ROBO2: variants seen among roughly 807,000 people sequenced by gnomAD.
The protein encoded by ROBO2 is roundabout guidance receptor 2, also known as roundabout homolog 2.
A neutral mutation model predicts 160.8 loss-of-function variants in ROBO2; 53 were observed. That is an observed-to-expected ratio of 0.33 (90% CI 0.26 to 0.41). The LOEUF is 0.41. Ranked by LOEUF, ROBO2 falls within the 10% of genes least tolerant of loss-of-function variation. The pLI, the probability that ROBO2 is intolerant of heterozygous loss-of-function variation, is 1.00. For missense variants in ROBO2, 1,577 were observed against 1,722.4 expected (o/e 0.92, Z 1.49); for synonymous variants, 664 against 611.7 (o/e 1.09, Z -1.26).
At chr3:77,172,775 G>A (rs1053470623) in intron 2 of ROBO2, among the ~76,000 whole-genome samples, 2 of 152,096 alleles carry the variant, frequency 1.3e-5, no homozygotes, top group African/African-American at 4.8e-5. Flanking sequence ...TAAACCAAGG[G>A]CTAATTGATT....
chr3:76,663,737 T>C (rs2091915024), intron 2 of ROBO2, among the ~76,000 whole-genome samples: 1 of 152,084 alleles, frequency 6.6e-6, no homozygotes, highest in Non-Finnish European at 1.5e-5. Context: ...CCTAATTGTG[T>C]AAAGCAAAGA....
In ROBO2 at chr3:76,181,967, T is replaced by C. The variant is rs370853994; in HGVS notation, c.109+244365T>C. 1.7e-4 allele frequency among the ~76,000 whole-genome samples: 26 copies of C among 152,274 alleles called. No individual in the cohort carries two copies. The South Asian group carries it at 5.2e-3, about 30-fold the overall frequency. ...TCAATTTTATGTATTCATATGTCTC[T>C]TTTTATTTCTAACAGGAAGCATTAA... On this transcript the variant is annotated intron_variant, in intron 2 of 26. Coordinates refer to the ROBO2 transcript ENST00000487694.
rs183596221 is a variant in ROBO2, at chr3:76,798,172, G to A, written c.110-299842G>A. Among the ~76,000 whole-genome samples, 42 of 80,946 alleles carry A rather than the reference G, an allele frequency of 5.2e-4. 1 individual carries two copies. The highest frequency in any genetic ancestry group is 1.5e-3 in the African/African-American group (37 of 24,062). 53.1% of individuals were successfully genotyped at this position (80,946 alleles called of 152,430 possible). ...AAAGAAAGAAAGAAAGAAAGAAAGGGAGAGAAAGAAAGAAAGAAAAAGAAG... is the reference window on the plus strand; with the variant it reads ...AAAGAAAGAAAGAAAGAAAGAAAGGAAGAGAAAGAAAGAAAGAAAAAGAAG... On this transcript the variant is annotated intron_variant, in intron 2 of 26. Transcript: ENST00000487694.
At chr3:77,501,689 G>A (rs1006575251) in intron 5 of ROBO2, among the ~76,000 whole-genome samples, 8 of 151,606 alleles carry the variant, frequency 5.3e-5, no homozygotes, top group Non-Finnish European at 8.8e-5. Flanking sequence ...AGAGAATCAC[G>A]GCAATATTTT....
chr3:76,056,489 G>T (rs1363419625), intron 2 of ROBO2, among the ~76,000 whole-genome samples: 2 of 151,182 alleles, frequency 1.3e-5, no homozygotes, highest in Admixed American at 6.6e-5. Flanking sequence ...TTCTAAAAGG[G>T]TCTCCAAAAT....
At chr3:76,654,433 A>G (rs1371604389) in intron 2 of ROBO2, among the ~76,000 whole-genome samples, 4 of 152,202 alleles carry the variant, frequency 2.6e-5, no homozygotes, top group Admixed American at 1.3e-4. Context: ...GGTAAAACAT[A>G]CTGTTATTAC....
At chr3:77,622,705 C>A (rs1457383820) in intron 23 of ROBO2, among the ~76,000 whole-genome samples, 1 of 152,136 alleles carries the variant, frequency 6.6e-6, no homozygotes, top group Non-Finnish European at 1.5e-5. Flanking sequence ...GTTCACTCTA[C>A]TAGGAAACCA....
Position 76,330,484 on chromosome 3 carries a change from T to C in ROBO2, c.109+392882T>C, listed in dbSNP as rs190312566. On this transcript the variant is annotated intron_variant, in intron 2 of 26. Coordinates refer to the ROBO2 transcript ENST00000487694. Reference sequence around the variant, plus strand: ...ATGAGAATGACATAATACTTAGTTTTATAACAGAAATGTAAGTGGTAAGGA... The same window carrying C: ...ATGAGAATGACATAATACTTAGTTTCATAACAGAAATGTAAGTGGTAAGGA... Among the ~76,000 whole-genome samples, 630 of 152,354 alleles carry C rather than the reference T, an allele frequency of 4.1e-3. 3 individuals carry two copies. Among genetic ancestry groups the C allele is most frequent in the Admixed American group, 6.5e-3 (99 of 15,304 alleles).
At chr3:76,866,993 G>A (rs746250172) in intron 2 of ROBO2, among the ~76,000 whole-genome samples, 1 of 152,142 alleles carries the variant, frequency 6.6e-6, no homozygotes, top group Non-Finnish European at 1.5e-5. Context: ...AGAATATGCA[G>A]TGAACCATCT....
intron 2 of ROBO2, among the ~76,000 whole-genome samples, chr3:76,616,311 G>A (rs950338064): frequency 6.6e-6 from 1 of 152,128 alleles, no homozygotes; most frequent in African/African-American, 2.4e-5. Flanking sequence ...TTTAAAAGCT[G>A]AGTTAATGTA....
intron 2 of ROBO2, among the ~76,000 whole-genome samples, chr3:76,530,121 C>A (rs2082146797): frequency 6.6e-6 from 1 of 152,196 alleles, no homozygotes; most frequent in Non-Finnish European, 1.5e-5. Context: ...CTCAACAGGC[C>A]TGCACCTGCA....
At chr3:76,214,610 G>T (rs770712107) in intron 2 of ROBO2, among the ~76,000 whole-genome samples, 80 of 152,332 alleles carry the variant, frequency 5.3e-4, no homozygotes, top group Admixed American at 1.8e-3. Context: ...CAGCAAGGCT[G>T]GGGGAAGGGC....
At chr3:75,942,326 A>T (rs547726901) in intron 2 of ROBO2, among the ~76,000 whole-genome samples, 2 of 152,124 alleles carry the variant, frequency 1.3e-5, no homozygotes, top group Non-Finnish European at 2.9e-5. Context: ...GTGAGCTCAG[A>T]CATTTGGCAA....
chr3:77,266,998 C>T (rs777273719), intron 2 of ROBO2, among the ~76,000 whole-genome samples: 2 of 152,044 alleles, frequency 1.3e-5, no homozygotes, highest in African/African-American at 2.4e-5. Context: ...CTTTTCAAAG[C>T]GCTTTACTTC....
At chr3:76,390,687 G>A (rs1191242495) in intron 2 of ROBO2, among the ~76,000 whole-genome samples, 1 of 152,062 alleles carries the variant, frequency 6.6e-6, no homozygotes, top group Non-Finnish European at 1.5e-5. Flanking sequence ...TCCTCTGTAG[G>A]TCTGTCACGG....
At chr3:77,520,708 A>G (rs1353215551) in intron 5 of ROBO2, among the ~76,000 whole-genome samples, 1 of 151,294 alleles carries the variant, frequency 6.6e-6, no homozygotes, top group Non-Finnish European at 1.5e-5. Context: ...ATGTTTTTAG[A>G]TGAATTGGAA....
intron 2 of ROBO2, among the ~76,000 whole-genome samples, chr3:76,031,668 T>C (rs2066924062): frequency 1.3e-5 from 2 of 152,184 alleles, no homozygotes; most frequent in African/African-American, 2.4e-5. Flanking sequence ...ATTACATTTA[T>C]TGATTTGCAT....
At chr3:77,409,715 A>G (rs913235401) in intron 2 of ROBO2, among the ~76,000 whole-genome samples, 7 of 152,158 alleles carry the variant, frequency 4.6e-5, no homozygotes, top group Non-Finnish European at 8.8e-5. Flanking sequence ...TTTGTCATTA[A>G]TGGTTTCAAG....
At chr3:76,739,532 A>T (rs6548447) in intron 2 of ROBO2, among the ~76,000 whole-genome samples, 96,012 of 147,010 alleles carry the variant, frequency 0.65, 31,656 homozygotes, top group African/African-American at 0.74. Context: ...CTAATGCTAG[A>T]TGACGAGTTG....
Sources: gnomAD v4.1 joint callset for allele counts (sites outside exome capture counted in the v4.1 genomes callset) on GRCh38, gnomAD v4.1.1 for gene constraint, MANE v1.5 for transcripts, NCBI Gene and HGNC (gene_info 2026-07-23, HGNC 2026-07-21) for gene names.